The following SLC30A7 variants were observed in gnomAD, a reference collection of about 807,000 sequenced individuals.
SLC30A7 encodes the protein zinc transporter 7.
Under a neutral mutation model 46.0 loss-of-function variants are expected in SLC30A7, and 35 were observed. The ratio of observed to expected loss-of-function variants is 0.76; its 90% CI spans 0.58 to 1.01. The LOEUF (loss-of-function observed/expected upper bound fraction) is 1.01. Among genes scored for constraint, SLC30A7 ranks in the 50% least tolerant of loss-of-function variants. SLC30A7 has a pLI of 0.00. For missense variants in SLC30A7, 464 were observed against 451.1 expected, an observed-to-expected ratio of 1.03 and a Z score of -0.26; for synonymous variants, 147 against 157.8, an observed-to-expected ratio of 0.93 and a Z score of 0.51.
intron 8 of SLC30A7, among the ~76,000 whole-genome samples, chr1:100,960,001 G>A (rs1396100998): frequency 1.3e-5 from 2 of 152,126 alleles, no homozygotes; most frequent in Non-Finnish European, 2.9e-5. Flanking sequence ...ATTAAATCAC[G>A]AGAACTTGGT....
intron 8 of SLC30A7, among the ~76,000 whole-genome samples, chr1:100,958,033 T>C (rs1367257858): frequency 6.6e-6 from 1 of 152,240 alleles, no homozygotes; most frequent in Non-Finnish European, 1.5e-5. Flanking sequence ...TTTAGATGAA[T>C]GAATAACCAA....
At chr1:100,962,413 A>G (rs1655597161) in intron 9 of SLC30A7, among the ~76,000 whole-genome samples, 1 of 152,240 alleles carries the variant, frequency 6.6e-6, no homozygotes, top group South Asian at 2.1e-4. Flanking sequence ...TTCACTAAGG[A>G]AGTTATATTC....
At chr1:100,940,666 T>A (rs865835932) in intron 8 of SLC30A7, among the ~76,000 whole-genome samples, 5 of 152,244 alleles carry the variant, frequency 3.3e-5, no homozygotes, top group Admixed American at 6.5e-5. Context: ...TTAATTAATT[T>A]ATTTTTAAAG....
At chr1:100,974,049 G>T (rs1343944947) in intron 10 of SLC30A7, among the ~76,000 whole-genome samples, 2 of 152,152 alleles carry the variant, frequency 1.3e-5, no homozygotes, top group African/African-American at 2.4e-5. Context: ...CGGAGATGGG[G>T]AGCCCAGAAG....
chr1:100,991,077 TA>T, the SLC30A7 span, among the ~76,000 whole-genome samples: 5 of 152,214 alleles, frequency 3.3e-5, no homozygotes, highest in African/African-American at 1.2e-4. Context: ...GCCATCCAAT[TA>T]GCTGTGTGAT....
chr1:100,993,323 C>T, the SLC30A7 span, among the ~76,000 whole-genome samples: 9 of 151,546 alleles, frequency 5.9e-5, no homozygotes, highest in East Asian at 3.9e-4. Context: ...GAGGCAGAGG[C>T]GGGTGGATCA....
chr1:100,912,179 TA>T lies in SLC30A7; in HGVS notation c.455del (p.Asn152ThrfsTer2), dbSNP rs752150131. On this transcript the variant is annotated frameshift_variant, in exon 5 of 11. Coordinates refer to ENST00000357650, the MANE Select transcript of SLC30A7 (RefSeq NM_133496.5). LOFTEE classifies it high-confidence loss of function. ...CTTGTTTCCATTCTTGGGTTTGTGG[TA>T]AACCTAATAGGAATATTTGTTTTCA... ...LLLVSILGFV[V>X]NLIGIFVFKH... is the part of the protein sequence containing the mutation. 1 of 1,613,966 alleles carries T rather than the reference TA, an allele frequency of 6.2e-7. No homozygotes were observed.
At chr1:100,929,886 A>G (rs2101043544) in intron 8 of SLC30A7, among the ~76,000 whole-genome samples, 1 of 152,254 alleles carries the variant, frequency 6.6e-6, no homozygotes, top group Middle Eastern at 3.4e-3. Context: ...AAGAGCTTTC[A>G]GAGTAGTTCT....
intron 2 of SLC30A7, among the ~76,000 whole-genome samples, chr1:100,900,308 A>G (rs1181299954): frequency 2.6e-5 from 4 of 152,228 alleles, no homozygotes; most frequent in Admixed American, 6.5e-5. Context: ...CTAAAGGTTA[A>G]TGTCTTTGTG....
intron 5 of SLC30A7, 28 bp from the exon 6 acceptor site, chr1:100,913,635 C>A (rs1010337272): frequency 1.9e-6 from 3 of 1,541,212 alleles, no homozygotes; most frequent in East Asian, 2.2e-5. Context: ...TTTTTACATA[C>A]CTTCTGTCCT....
intron 8 of SLC30A7, among the ~76,000 whole-genome samples, chr1:100,924,180 C>G (rs568718187): frequency 6.6e-6 from 1 of 152,290 alleles, no homozygotes; most frequent in South Asian, 2.1e-4. Context: ...TTTAATGACT[C>G]TTACCCTTAG....
At chr1:100,962,244 G>A (rs904928777) in intron 9 of SLC30A7, among the ~76,000 whole-genome samples, 4 of 152,178 alleles carry the variant, frequency 2.6e-5, no homozygotes, top group African/African-American at 9.6e-5. Flanking sequence ...CTGGGGAGGT[G>A]ATGGTAAACA....
chr1:100,948,518 G>T (rs982571976), intron 8 of SLC30A7, among the ~76,000 whole-genome samples: 22 of 152,228 alleles, frequency 1.4e-4, no homozygotes, highest in African/African-American at 5.3e-4. Context: ...ACAATTGTGT[G>T]TCTTGGGGTT....
At chr1:100,913,558 T>G (rs1652270305) in intron 5 of SLC30A7, 105 bp from the exon 6 acceptor site, 2 of 786,690 alleles carry the variant, frequency 2.5e-6, no homozygotes, top group South Asian at 3.6e-5. Flanking sequence ...GTTTATTGAA[T>G]TGATCTGAGT....
intron 6 of SLC30A7, among the ~76,000 whole-genome samples, chr1:100,916,609 C>T (rs12750448): frequency 6.6e-6 from 1 of 151,916 alleles, no homozygotes; most frequent in Admixed American, 6.6e-5. Context: ...TACAAACAAT[C>T]CAGTTACACT....
intron 10 of SLC30A7, chr1:100,972,612 ATGT>A (rs1656221250): frequency 6.6e-6 from 1 of 152,134 alleles, no homozygotes; most frequent in Non-Finnish European, 1.5e-5. Flanking sequence ...TTCACTAACA[ATGT>A]TGTTGAAAAA....
chr1:100,965,999 T>C, intron 10 of SLC30A7, 81 bp downstream of exon 10: 1 of 1,226,916 alleles, frequency 8.2e-7, no homozygotes. Flanking sequence ...ACAAGGCCAA[T>C]GTGAGAGGAT....
intron 8 of SLC30A7, among the ~76,000 whole-genome samples, chr1:100,930,227 A>G (rs1261410049): frequency 6.6e-6 from 1 of 152,060 alleles, no homozygotes; most frequent in African/African-American, 2.4e-5. Flanking sequence ...ATACATATAT[A>G]TATACATACC....
At chr1:100,919,194 C>T (rs1056750504) in intron 7 of SLC30A7, among the ~76,000 whole-genome samples, 2 of 152,034 alleles carry the variant, frequency 1.3e-5, no homozygotes, top group Admixed American at 1.3e-4. Flanking sequence ...CAGAGAAAAT[C>T]CTGTCTATGA....
Sources: allele counts gnomAD v4.1 joint callset (sites outside exome capture counted in the v4.1 genomes callset), GRCh38; gene constraint gnomAD v4.1.1; transcripts MANE v1.5; gene names NCBI Gene and HGNC (gene_info 2026-07-23, HGNC 2026-07-21).